GRM8: variants seen among roughly 807,000 people sequenced by gnomAD.
The protein encoded by GRM8 is glutamate metabotropic receptor 8, also known as metabotropic glutamate receptor 8.
A neutral mutation model predicts 87.2 loss-of-function variants in GRM8; 47 were observed. That is an observed-to-expected ratio of 0.54 (90% confidence interval 0.43 to 0.69). The LOEUF (loss-of-function observed/expected upper bound fraction) is 0.69. GRM8 is among the 30% of genes least tolerant of loss of function. The pLI is 0.00. For synonymous variants in GRM8, 396 were observed against 404.5 expected (o/e 0.98, Z 0.25); for missense variants, 1,019 against 1,139.2 (o/e 0.89, Z 1.52).
intron 6 of GRM8, among the ~76,000 whole-genome samples, chr7:126,850,861 GC>G (rs1352693572): frequency 6.6e-6 from 1 of 152,136 alleles, no homozygotes; most frequent in African/African-American, 2.4e-5. Context: ...GAACACCAGG[GC>G]TTAGGTAACA....
At chr7:126,465,865 A>G (rs1346043628) in intron 9 of GRM8, among the ~76,000 whole-genome samples, 1 of 151,924 alleles carries the variant, frequency 6.6e-6, no homozygotes, top group Non-Finnish European at 1.5e-5. Flanking sequence ...TTCAGTATGA[A>G]AAACAACTAG....
intron 6 of GRM8, among the ~76,000 whole-genome samples, chr7:126,802,540 A>T (rs931494618): frequency 6.6e-6 from 1 of 152,192 alleles, no homozygotes; most frequent in African/African-American, 2.4e-5. Flanking sequence ...AGCCTTAAAA[A>T]AAAAGGAGCT....
chr7:126,821,692 C>A (rs1330212123), intron 6 of GRM8, among the ~76,000 whole-genome samples: 1 of 151,936 alleles, frequency 6.6e-6, no homozygotes, highest in African/African-American at 2.4e-5. Flanking sequence ...CCAGGTACTA[C>A]AAAGAGTTCC....
At chr7:126,648,458 G>C (rs1803426039) in intron 7 of GRM8, among the ~76,000 whole-genome samples, 1 of 152,150 alleles carries the variant, frequency 6.6e-6, no homozygotes, top group Non-Finnish European at 1.5e-5. Flanking sequence ...TCTGTTCAAT[G>C]TTTGAATTAA....
chr7:126,615,911 C>T (rs1349817402), intron 7 of GRM8, among the ~76,000 whole-genome samples: 1 of 152,092 alleles, frequency 6.6e-6, no homozygotes, highest in Admixed American at 6.5e-5. Context: ...CTTAGACTCC[C>T]ACACAATAAT....
chr7:126,477,024 A>T (rs1358901025), intron 9 of GRM8, among the ~76,000 whole-genome samples: 1 of 152,154 alleles, frequency 6.6e-6, no homozygotes, highest in East Asian at 1.9e-4. Context: ...TAAAAGTGAG[A>T]TATATTCAAT....
At chr7:126,777,132 A>T (rs144265362) in intron 6 of GRM8, among the ~76,000 whole-genome samples, 161 of 152,232 alleles carry the variant, frequency 1.1e-3, no homozygotes, top group African/African-American at 3.8e-3. Context: ...ACTTAGAGCC[A>T]TTGAACAAAT....
chr7:126,947,370 C>G (rs1343421521), intron 3 of GRM8, among the ~76,000 whole-genome samples: 2 of 152,092 alleles, frequency 1.3e-5, no homozygotes, highest in Admixed American at 1.3e-4. Flanking sequence ...CAATATTATT[C>G]AACATATTGT....
intron 3 of GRM8, among the ~76,000 whole-genome samples, chr7:126,994,897 A>G (rs1586701931): frequency 6.6e-6 from 1 of 152,070 alleles, no homozygotes; most frequent in African/African-American, 2.4e-5. Flanking sequence ...TTGAGAGAAT[A>G]TAGGTCGTAG....
intron 7 of GRM8, among the ~76,000 whole-genome samples, chr7:126,638,705 T>C (rs1003704864): frequency 6.6e-6 from 1 of 152,146 alleles, no homozygotes; most frequent in Non-Finnish European, 1.5e-5. Flanking sequence ...TCGCCTGTGA[T>C]GTAACTTAGT....
chr7:126,858,725 T>C (rs1797896120), intron 6 of GRM8, among the ~76,000 whole-genome samples: 1 of 152,188 alleles, frequency 6.6e-6, no homozygotes, highest in African/African-American at 2.4e-5. Context: ...CTCTACTTCA[T>C]GTTCCTTGTT....
intron 7 of GRM8, among the ~76,000 whole-genome samples, chr7:126,652,745 C>T (rs1804051309): frequency 6.6e-6 from 1 of 152,066 alleles, no homozygotes; most frequent in Non-Finnish European, 1.5e-5. Flanking sequence ...TATTGTGGGA[C>T]CTTTGATTGT....
rs571936227 is a variant in GRM8 at position 126,793,985 on chromosome 7, G to T, written c.1157-23920C>A. ...ATCACACCAGTAAGGAATTACTCTG[G>T]ATCATTAATAGCAGTAGAGATTTCC... On this transcript the variant is annotated intron_variant, in intron 6 of 10. Coordinates refer to ENST00000339582, the MANE Select transcript of GRM8 (RefSeq NM_000845.3). Among the ~76,000 whole-genome samples the T allele has an allele frequency of 9.2e-5, 14 of 152,114 alleles. 1 individual carries two copies. The East Asian group carries it at 2.7e-3, about 29-fold the overall frequency.
chr7:126,750,012 C>T (rs1816229463), intron 7 of GRM8, among the ~76,000 whole-genome samples: 1 of 152,072 alleles, frequency 6.6e-6, no homozygotes, highest in Non-Finnish European at 1.5e-5. Flanking sequence ...GAAACAAAAG[C>T]ATATATCCTC....
intron 6 of GRM8, among the ~76,000 whole-genome samples, chr7:126,794,158 T>TA (rs1430913005): frequency 6.6e-5 from 10 of 151,168 alleles, no homozygotes; most frequent in African/African-American, 2.4e-4. Flanking sequence ...TGAAACCACA[T>TA]AAAAAATAAA....
intron 1 of GRM8, among the ~76,000 whole-genome samples, chr7:127,248,982 G>A (rs1007169577): frequency 3.3e-5 from 5 of 152,186 alleles, no homozygotes; most frequent in African/African-American, 9.7e-5. Context: ...AGAAAGTGGT[G>A]ACAAGATAAT....
rs78868075 is a variant in GRM8 at position 126,842,460 on chromosome 7, G to T, written c.1156+60082C>A. On this transcript the variant is annotated intron_variant, in intron 6 of 10. Coordinates refer to ENST00000339582, the MANE Select transcript of GRM8 (RefSeq NM_000845.3). The stretch of plus-strand genomic sequence containing the variant: ...CAGGAAAGAATCACTACATATTTGT[G>T]ATAGGCAGACTAATGCCTGCCACCA... Among the ~76,000 whole-genome samples the T allele has an allele frequency of 6.6e-5, 10 of 152,350 alleles. No individual in the cohort carries two copies. The East Asian group carries it at 1.9e-3, about 29-fold the overall frequency.
At chr7:126,537,428 G>T (rs1382394284) in intron 8 of GRM8, among the ~76,000 whole-genome samples, 1 of 152,164 alleles carries the variant, frequency 6.6e-6, no homozygotes, top group Non-Finnish European at 1.5e-5. Context: ...TACAAATACA[G>T]TAATATTTGA....
intron 7 of GRM8, among the ~76,000 whole-genome samples, chr7:126,718,692 G>A (rs1812034357): frequency 6.6e-6 from 1 of 152,124 alleles, no homozygotes; most frequent in African/African-American, 2.4e-5. Flanking sequence ...CAGCTCCATT[G>A]TTCATGCTTT....
Sources: gnomAD v4.1 joint callset for allele counts (sites outside exome capture counted in the v4.1 genomes callset) on GRCh38, gnomAD v4.1.1 for gene constraint, MANE v1.5 for transcripts, NCBI Gene and HGNC (gene_info 2026-07-23, HGNC 2026-07-21) for gene names.